Variants in SEMA5A observed in about 807,000 individuals in gnomAD.
SEMA5A encodes semaphorin-5A.
SEMA5A carries 55 observed loss-of-function variants against 135.5 expected under a neutral mutation model. The observed-to-expected ratio is 0.41, with a 90% CI of 0.33 to 0.51. The LOEUF is 0.51. Ranked by LOEUF, SEMA5A falls within the 20% of genes least tolerant of loss-of-function variation. The pLI, the probability that SEMA5A is intolerant of heterozygous loss-of-function variation, is 0.37. For synonymous variants in SEMA5A, 580 were observed against 546.5 expected, an observed-to-expected ratio of 1.06 and a Z score of -0.85; for missense variants, 1,290 against 1,419.9, an observed-to-expected ratio of 0.91 and a Z score of 1.47.
chr5:9,184,259 T>G (rs1744686623), intron 11 of SEMA5A, among the ~76,000 whole-genome samples: 1 of 151,954 alleles, frequency 6.6e-6, no homozygotes, highest in Non-Finnish European at 1.5e-5. Context: ...ATTTTTAGTT[T>G]TTTTTTTCCT....
intron 10 of SEMA5A, among the ~76,000 whole-genome samples, chr5:9,191,189 GGAA>G (rs1328295968): frequency 2.0e-5 from 3 of 152,210 alleles, no homozygotes; most frequent in Non-Finnish European, 2.9e-5. Context: ...GAATAAAGAA[GGAA>G]GAAGGAAGGA....
At chr5:9,121,702 CA>C (rs150258652) in intron 14 of SEMA5A, among the ~76,000 whole-genome samples, 6 of 147,164 alleles carry the variant, frequency 4.1e-5, no homozygotes, top group Non-Finnish European at 8.9e-5. Flanking sequence ...CAAAACAAAA[CA>C]AAAAAAAACC....
At chr5:9,087,798 T>C (rs1738781488) in intron 16 of SEMA5A, among the ~76,000 whole-genome samples, 1 of 152,184 alleles carries the variant, frequency 6.6e-6, no homozygotes, top group South Asian at 2.1e-4. Flanking sequence ...CAAAGCCCTC[T>C]TTCAGGCCTA....
At chr5:9,472,332 G>A (rs1759506301) in intron 1 of SEMA5A, among the ~76,000 whole-genome samples, 3 of 152,146 alleles carry the variant, frequency 2.0e-5, no homozygotes, top group Admixed American at 1.3e-4. Flanking sequence ...CCTGGAAGAT[G>A]CTTTGTTTTG....
intron 5 of SEMA5A, among the ~76,000 whole-genome samples, chr5:9,306,793 A>G (rs1751890886): frequency 6.6e-6 from 1 of 152,120 alleles, no homozygotes; most frequent in South Asian, 2.1e-4. Context: ...ATGTACCTTT[A>G]TTGTCACTTA....
At chr5:9,234,130 G>A (rs552849965) in intron 6 of SEMA5A, among the ~76,000 whole-genome samples, 35 of 152,180 alleles carry the variant, frequency 2.3e-4, no homozygotes, top group Non-Finnish European at 4.6e-4. Context: ...CACCCAAAGA[G>A]ACGTTACCTA....
At chr5:9,379,448 C>T (rs1022236100) in intron 3 of SEMA5A, among the ~76,000 whole-genome samples, 1 of 152,168 alleles carries the variant, frequency 6.6e-6, no homozygotes, top group African/African-American at 2.4e-5. Context: ...AAGACTAAGG[C>T]TTTGCAGGGA....
intron 15 of SEMA5A, among the ~76,000 whole-genome samples, chr5:9,111,398 G>T (rs1740231369): frequency 6.6e-6 from 1 of 152,136 alleles, no homozygotes; most frequent in Non-Finnish European, 1.5e-5. Flanking sequence ...TTTCCCCAAA[G>T]CAAAATAAAC....
intron 3 of SEMA5A, among the ~76,000 whole-genome samples, chr5:9,351,404 GC>G (rs1754108411): frequency 6.6e-6 from 1 of 151,962 alleles, no homozygotes; most frequent in African/African-American, 2.4e-5. Context: ...CTAGACAAAT[GC>G]CACTTATGAT....
At chr5:9,309,566 C>T (rs1447535640) in intron 5 of SEMA5A, among the ~76,000 whole-genome samples, 1 of 152,136 alleles carries the variant, frequency 6.6e-6, no homozygotes, top group African/African-American at 2.4e-5. Context: ...CCTCTGGAGG[C>T]ATGGATTGAA....
At chr5:9,524,677 G>A (rs145783292) in intron 1 of SEMA5A, among the ~76,000 whole-genome samples, 6 of 152,212 alleles carry the variant, frequency 3.9e-5, no homozygotes, top group Non-Finnish European at 7.4e-5. Context: ...AAATACAGAT[G>A]GTAACAATGA....
chr5:9,485,330 T>C (rs1420192895), intron 1 of SEMA5A, among the ~76,000 whole-genome samples: 2 of 151,892 alleles, frequency 1.3e-5, no homozygotes, highest in African/African-American at 4.8e-5. Context: ...AGGTGTCATG[T>C]GGGTCAGAAA....
chr5:9,408,638 A>C (rs1228112900), intron 2 of SEMA5A, among the ~76,000 whole-genome samples: 1 of 152,168 alleles, frequency 6.6e-6, no homozygotes, highest in Non-Finnish European at 1.5e-5. Flanking sequence ...TTATCCTCAT[A>C]ACAGCACAAC....
chr5:9,390,104 C>T (rs540394608), intron 2 of SEMA5A, among the ~76,000 whole-genome samples: 2 of 152,352 alleles, frequency 1.3e-5, no homozygotes, highest in South Asian at 2.1e-4. Context: ...CTCTGCCATT[C>T]GTTGTCACAG....
At chr5:9,418,264 C>G (rs1368924549) in intron 2 of SEMA5A, among the ~76,000 whole-genome samples, 1 of 152,146 alleles carries the variant, frequency 6.6e-6, no homozygotes, top group Non-Finnish European at 1.5e-5. Flanking sequence ...GCATGAGCCA[C>G]TGTGCCTGGC....
In SEMA5A at chr5:9,484,766, T is replaced by C. The variant is rs3798041; in HGVS notation, c.-174-46914A>G. Among the ~76,000 whole-genome samples, 8 of 152,166 alleles carry C rather than the reference T, an allele frequency of 5.3e-5. No homozygotes were observed. In the East Asian group the frequency reaches 1.6e-3, roughly 30 times the overall value. ...ATTTCATTGAATGTAGTCCTCAGGG[T>C]GGATGGTATTGAATGGATCCACAGC... On this transcript the variant is annotated intron_variant, in intron 1 of 22. Coordinates refer to ENST00000382496, the MANE Select transcript of SEMA5A (RefSeq NM_003966.3).
chr5:9,397,598 C>T lies in SEMA5A; in HGVS notation c.-77-17575G>A, dbSNP rs1244259040. Among the ~76,000 whole-genome samples the T allele has an allele frequency of 2.0e-5, 3 of 152,130 alleles. No individual in the cohort carries two copies. The South Asian group carries it at 6.2e-4, about 32-fold the overall frequency. On this transcript the variant is annotated intron_variant, in intron 2 of 22. Coordinates refer to ENST00000382496, the MANE Select transcript of SEMA5A (RefSeq NM_003966.3). ...GAACATTCTGAGATATATGGCTTTG[C>T]ACATTTTTAATGCTTTGGGGCAATT...
intron 16 of SEMA5A, among the ~76,000 whole-genome samples, chr5:9,086,032 G>T (rs377263847): frequency 5.3e-5 from 8 of 152,172 alleles, no homozygotes; most frequent in African/African-American, 1.9e-4. Context: ...AGGGCCTGTT[G>T]CCCCTTTGTT....
intron 2 of SEMA5A, among the ~76,000 whole-genome samples, chr5:9,429,729 G>C (rs1017570323): frequency 3.9e-4 from 59 of 152,212 alleles, no homozygotes; most frequent in African/African-American, 1.4e-3. Context: ...TGAAAAGACT[G>C]AGCAAGGAAA....
Sources: allele counts gnomAD v4.1 joint callset (sites outside exome capture counted in the v4.1 genomes callset), GRCh38; gene constraint gnomAD v4.1.1; transcripts MANE v1.5; gene names NCBI Gene and HGNC (gene_info 2026-07-23, HGNC 2026-07-21).